Variants in MAX observed in about 807,000 individuals in gnomAD.
MAX encodes the protein MYC associated transcriptional regulator X.
A neutral mutation model predicts 22.3 loss-of-function variants in MAX; 3 were observed. That is an observed-to-expected ratio of 0.13 (90% CI 0.06 to 0.35). The LOEUF (loss-of-function observed/expected upper bound fraction) is 0.35. MAX is among the 10% of genes least tolerant of loss of function. The pLI, the probability that MAX is intolerant of heterozygous loss-of-function variation, is 1.00. For synonymous variants in MAX, 72 were observed against 77.7 expected (o/e 0.93, Z 0.39); for missense variants, 119 against 209.4 (o/e 0.57, Z 2.66).
chr14:65,084,101 G>C lies in MAX; in HGVS notation c.172-6065C>G. On this transcript the variant is annotated intron_variant, in intron 3 of 4. Transcript: ENST00000358664. This position sits in a 1 kb window ranked among gnomAD's most constrained non-coding sequence, Gnocchi z 4.3. ...ACCATTTTGCTGATTACCAGGGTAA[G>C]GCAGAGCTATCAGCCCTCAAGCAGC... 1.2e-6 allele frequency: 2 copies of C among 1,602,326 alleles called. No homozygotes were observed. Among genetic ancestry groups the C allele is most frequent in the Non-Finnish European group, 1.7e-6 (2 of 1,172,602 alleles).
chr14:65,073,659 C>T (rs1566594156), downstream of MAX, among the ~76,000 whole-genome samples: 1 of 152,108 alleles, frequency 6.6e-6, no homozygotes. Flanking sequence ...AGCTATGGTC[C>T]GACTTTGGTA....
rs2062106200 is a variant in MAX, at chr14:65,032,538, G to A, written c.172-26254C>T. ...GCTTACTAGGCAAGGCGAGCAGTCC[G>A]CCCGCGGAGTTCACTGAGCCTCATT... is the stretch of plus-strand genomic sequence containing the variant. On this transcript the variant is annotated intron_variant, in intron 3 of 3. Transcript: ENST00000341653. This position sits in a 1 kb window ranked among gnomAD's most constrained non-coding sequence, Gnocchi z 5.0. 16 of 1,558,912 alleles carry A rather than the reference G, an allele frequency of 1.0e-5. 1 individual carries two copies. Among genetic ancestry groups the A allele is most frequent in the South Asian group, 5.8e-5 (5 of 85,800 alleles).
At chr14:65,095,932 T>C (rs913135412) in intron 2 of MAX, among the ~76,000 whole-genome samples, 1 of 152,194 alleles carries the variant, frequency 6.6e-6, no homozygotes, top group Non-Finnish European at 1.5e-5. Context: ...TGGAGCTAAG[T>C]ATAATCTAAC....
At chr14:65,037,424 T>TGAGACG in intron 3 of MAX, among the ~76,000 whole-genome samples, 1 of 113,106 alleles carries the variant, frequency 8.8e-6, no homozygotes, top group Non-Finnish European at 1.8e-5. Context: ...TTTTTTTTTT[T>TGAGACG]TTTTTTTTTT....
chr14:65,026,640 A>G (rs2061986763), intron 3 of MAX, among the ~76,000 whole-genome samples: 1 of 152,092 alleles, frequency 6.6e-6, no homozygotes, highest in Non-Finnish European at 1.5e-5. Context: ...CGGGTGGATC[A>G]CTTGAGGTCA....
Position 65,023,562 on chromosome 14 carries a change from G to A in MAX, c.172-17278C>T, listed in dbSNP as rs2061925245. Reference sequence around the variant, plus strand: ...TGAAAATGTTCTATATTCTGTAAATGTCTATAGGTGTCTATAAACATCTAT... The same window carrying A: ...TGAAAATGTTCTATATTCTGTAAATATCTATAGGTGTCTATAAACATCTAT... On this transcript the variant is annotated intron_variant, in intron 3 of 3. Coordinates refer to the MAX transcript ENST00000341653. The surrounding 1 kb of genome is among the most constrained non-coding windows in gnomAD (Gnocchi z 4.1). 6.6e-6 allele frequency among the ~76,000 whole-genome samples: 1 copy of A among 152,210 alleles called. No homozygotes were observed. Among genetic ancestry groups the A allele is most frequent in the Non-Finnish European group, 1.5e-5 (1 of 68,038 alleles).
In MAX at chr14:65,025,484, C is replaced by A. The variant is rs143107146; in HGVS notation, c.172-19200G>T. Among the ~76,000 whole-genome samples the A allele has an allele frequency of 1.8e-4, 28 of 152,228 alleles. No individual in the cohort carries two copies. The East Asian group carries it at 5.4e-3, about 29-fold the overall frequency. On this transcript the variant is annotated intron_variant, in intron 3 of 3. Transcript: ENST00000341653. Reference sequence around the variant, plus strand: ...TTGATGACGATTTGGAAAGAAGGAACAAATTCAAGTTCTCTACAGAAATTA... The same window carrying A: ...TTGATGACGATTTGGAAAGAAGGAAAAAATTCAAGTTCTCTACAGAAATTA...
Position 65,096,723 on chromosome 14 carries a change from C to G in MAX, c.64-2908G>C, listed in dbSNP as rs140763557. On this transcript the variant is annotated intron_variant, in intron 2 of 4. Coordinates refer to ENST00000358664, the MANE Select transcript of MAX (RefSeq NM_002382.5). ...TGCAAAACTGGTTTTAAAAAACAAGCCCAAACAATTGTCTTGAACAAATAA... is the reference window on the plus strand; with the variant it reads ...TGCAAAACTGGTTTTAAAAAACAAGGCCAAACAATTGTCTTGAACAAATAA... Among the ~76,000 whole-genome samples the G allele has an allele frequency of 7.0e-4, 106 of 152,246 alleles. 1 individual carries two copies. The highest frequency in any genetic ancestry group is 2.5e-3 in the African/African-American group (104 of 41,542).
At position 65,077,889 on chromosome 14, in the gene MAX, T is replaced by G. The variant is rs761637912; in HGVS notation, c.295+24A>C. On this transcript the variant is annotated intron_variant, in intron 4 of 4. Transcript: ENST00000358664. This position sits in a 1 kb window ranked among gnomAD's most constrained non-coding sequence, Gnocchi z 6.3. ...CTGGCTGGAGCACAGCAGGGCCAGCTGCCCCACGAGCTCGGGTGCTCACCT... is the reference window on the plus strand; with the variant it reads ...CTGGCTGGAGCACAGCAGGGCCAGCGGCCCCACGAGCTCGGGTGCTCACCT... The G allele has an allele frequency of 3.3e-5, 54 of 1,614,096 alleles. No homozygotes were observed. The highest frequency in any genetic ancestry group is 4.4e-5 in the Non-Finnish European group (52 of 1,180,034).
chr14:65,017,015 C>T (rs1440286733), intron 3 of MAX, among the ~76,000 whole-genome samples: 3 of 151,282 alleles, frequency 2.0e-5, no homozygotes, highest in Non-Finnish European at 2.9e-5. Context: ...CTCTGCTTCC[C>T]GGGTTCAAGC....
At chr14:65,064,107 A>G (rs1226125340) in intron 3 of MAX, among the ~76,000 whole-genome samples, 4 of 152,162 alleles carry the variant, frequency 2.6e-5, no homozygotes, top group Admixed American at 2.0e-4. Context: ...CCCCTGAGAT[A>G]ATAATACCAG....
Position 65,077,523 on chromosome 14 carries a change from G to C in MAX, c.295+390C>G, listed in dbSNP as rs1566599711. On this transcript the variant is annotated intron_variant, in intron 4 of 4. Transcript: ENST00000358664. The surrounding 1 kb of genome is among the most constrained non-coding windows in gnomAD (Gnocchi z 6.3). Reference sequence around the variant, plus strand: ...TTGGACTACCATTGACAATGGGGAGGGCTCACTGTCCCTGAACACCTGGAG... The same window carrying C: ...TTGGACTACCATTGACAATGGGGAGCGCTCACTGTCCCTGAACACCTGGAG... 2.1e-6 allele frequency: 2 copies of C among 965,284 alleles called. No individual in the cohort carries two copies. Among genetic ancestry groups the C allele is most frequent in the Non-Finnish European group, 3.4e-6 (2 of 587,872 alleles). 59.8% of individuals were successfully genotyped at this position (965,284 alleles called of 1,614,324 possible). A position where few individuals can be genotyped will look rare whatever the true frequency, so the allele number is the denominator to read the frequency against.
intron 3 of MAX, among the ~76,000 whole-genome samples, chr14:65,085,399 G>A (rs865901210): frequency 6.6e-6 from 1 of 152,048 alleles, no homozygotes; most frequent in Non-Finnish European, 1.5e-5. Context: ...AATTTTGTTG[G>A]AGAAAACAAA....
At chr14:65,074,473 C>T (rs894077263), downstream of MAX, among the ~76,000 whole-genome samples, 6 of 152,246 alleles carry the variant, frequency 3.9e-5, no homozygotes, top group Non-Finnish European at 8.8e-5. Flanking sequence ...CTCTCCACCA[C>T]TCTAAAGATG....
chr14:65,047,426 T>C lies in MAX; in HGVS notation c.172-41142A>G. Among the ~76,000 whole-genome samples, 1 of 152,256 alleles carries C rather than the reference T, an allele frequency of 6.6e-6. No individual in the cohort carries two copies. The highest frequency in any genetic ancestry group is 1.5e-5 in the Non-Finnish European group (1 of 68,044). On this transcript the variant is annotated intron_variant, in intron 3 of 3. Coordinates refer to the MAX transcript ENST00000341653. This position sits in a 1 kb window ranked among gnomAD's most constrained non-coding sequence, Gnocchi z 5.2. The stretch of plus-strand genomic sequence containing the variant: ...GGTGGCCATTAATCCAACGAAAAAT[T>C]GTTTAGCTCACTTGTAGTAAAAGAA...
intron 3 of MAX, among the ~76,000 whole-genome samples, chr14:65,089,355 T>G (rs1360020973): frequency 6.6e-6 from 1 of 152,128 alleles, no homozygotes; most frequent in Admixed American, 6.5e-5. Context: ...TGAAGTTATA[T>G]TCTCTCTCTC....
intron 3 of MAX, among the ~76,000 whole-genome samples, chr14:65,056,646 A>G (rs528890802): frequency 6.6e-6 from 1 of 152,292 alleles, no homozygotes; most frequent in African/African-American, 2.4e-5. Context: ...CTGCCAGTTC[A>G]TATTCTGTGC....
At position 65,054,491 on chromosome 14, in the gene MAX, C is replaced by T; in HGVS notation, c.171+39217G>A. The T allele has an allele frequency of 7.3e-7, 1 of 1,362,214 alleles. No individual in the cohort carries two copies. 84.4% of individuals were successfully genotyped at this position (1,362,214 alleles called of 1,614,324 possible). A position where few individuals can be genotyped will look rare whatever the true frequency, so the allele number is the denominator to read the frequency against. ...GATGGGGGGGGACGTGTGATTGCAC[C>T]AGTGGTCTCTGAATTGGTGTGGCTA... On this transcript the variant is annotated intron_variant, in intron 3 of 3. Coordinates refer to the MAX transcript ENST00000341653. This position sits in a 1 kb window ranked among gnomAD's most constrained non-coding sequence, Gnocchi z 4.4.
chr14:65,046,514 G>A (rs2062481988), intron 3 of MAX, among the ~76,000 whole-genome samples: 1 of 152,220 alleles, frequency 6.6e-6, no homozygotes, highest in African/African-American at 2.4e-5. Flanking sequence ...GTTCTAGGGG[G>A]CTTAGTGGCA....
Sources: gnomAD v4.1 joint callset for allele counts (sites outside exome capture counted in the v4.1 genomes callset) on GRCh38, gnomAD v4.1.1 for gene constraint, Gnocchi (gnomAD v3.1) non-coding constraint, MANE v1.5 for transcripts, NCBI Gene and HGNC (gene_info 2026-07-23, HGNC 2026-07-21) for gene names.